The following SCMH1 variants were observed in gnomAD, a reference collection of about 807,000 sequenced individuals.
SCMH1 encodes the protein polycomb protein SCMH1.
Under a neutral mutation model 70.8 loss-of-function variants are expected in SCMH1, and 37 were observed. The observed-to-expected ratio is 0.52, with a 90% CI of 0.40 to 0.69. The LOEUF is 0.69. SCMH1 is among the 30% of genes least tolerant of loss of function. The pLI, the probability that SCMH1 is intolerant of heterozygous loss-of-function variation, is 0.00. For missense variants in SCMH1, 607 were observed against 827.3 expected (o/e 0.73, Z 3.27); for synonymous variants, 292 against 307.4 (o/e 0.95, Z 0.52).
Position 41,035,904 on chromosome 1 carries a change from A to G in SCMH1, c.1678+1458T>C, listed in dbSNP as rs184880410. Reference sequence around the variant, plus strand: ...AATTACCCACTAATGGTGGAATCCAATAGATGTTTCTCAGTCCCTTTTTTG... The same window carrying G: ...AATTACCCACTAATGGTGGAATCCAGTAGATGTTTCTCAGTCCCTTTTTTG... On this transcript the variant is annotated intron_variant, in intron 13 of 14. Transcript: ENST00000337495. Among the ~76,000 whole-genome samples the G allele has an allele frequency of 1.2e-3, 182 of 152,322 alleles. 1 individual carries two copies. The highest frequency in any genetic ancestry group is 0.011 in the Admixed American group (163 of 15,304).
exon 14 of SCMH1, chr1:41,028,713 G>A: frequency 6.2e-7 from 1 of 1,614,074 alleles, no homozygotes; most frequent in Non-Finnish European, 8.5e-7. Flanking sequence ...GGCTCTCCAG[G>A]TATCGGTCCG....
chr1:41,078,157 G>T (rs565817674), intron 8 of SCMH1, among the ~76,000 whole-genome samples: 40 of 151,962 alleles, frequency 2.6e-4, no homozygotes, highest in Non-Finnish European at 3.8e-4. Context: ...CAATAGAAAG[G>T]ATTAATAAAC....
chr1:41,124,132 T>C (rs1267082682), intron 6 of SCMH1, among the ~76,000 whole-genome samples: 1 of 152,216 alleles, frequency 6.6e-6, no homozygotes. Flanking sequence ...AACAATTATG[T>C]ACCCTTCAAC....
chr1:41,102,645 G>A (rs1258182454), intron 8 of SCMH1, among the ~76,000 whole-genome samples: 2 of 152,224 alleles, frequency 1.3e-5, no homozygotes, highest in Non-Finnish European at 2.9e-5. Flanking sequence ...AATCATGCAT[G>A]ATAGGACCAC....
At chr1:41,079,752 G>T (rs1360293437) in intron 8 of SCMH1, among the ~76,000 whole-genome samples, 1 of 152,074 alleles carries the variant, frequency 6.6e-6, no homozygotes, top group African/African-American at 2.4e-5. Flanking sequence ...TACTCAAGAG[G>T]ATCGCTTGAG....
intron 6 of SCMH1, among the ~76,000 whole-genome samples, chr1:41,118,878 G>C (rs1385056926): frequency 6.6e-6 from 1 of 152,172 alleles, no homozygotes; most frequent in Non-Finnish European, 1.5e-5. Flanking sequence ...CTGCACCCAA[G>C]CTGCAAAGCT....
intron 13 of SCMH1, 89 bp from the exon 14 acceptor site, chr1:41,034,137 TGA>T (rs1644948769): frequency 6.6e-7 from 1 of 1,520,276 alleles, no homozygotes; most frequent in African/African-American, 1.4e-5. Flanking sequence ...GTGAGATGAC[TGA>T]CTCAAGTCTC....
exon 13 of SCMH1, chr1:41,037,370 C>G: frequency 6.2e-7 from 1 of 1,613,944 alleles, no homozygotes; most frequent in Non-Finnish European, 8.5e-7. Context: ...ACCCCTGGAG[C>G]ATAGCCTGCG....
intron 6 of SCMH1, among the ~76,000 whole-genome samples, chr1:41,128,973 G>A (rs1673924959): frequency 6.6e-6 from 1 of 151,866 alleles, no homozygotes; most frequent in South Asian, 2.1e-4. Context: ...ATATTATCTT[G>A]TATGTTCTAC....
rs535064788 is a variant in SCMH1, at chr1:41,217,571, T to C, written c.-118+24488A>G. On this transcript the variant is annotated intron_variant, in intron 1 of 14. Transcript: ENST00000337495. Reference sequence around the variant, plus strand: ...AGCCAGGAATAGAGATACAGTTATGTAGCAAAGATATGTGGAGAACATTCT... The same window carrying C: ...AGCCAGGAATAGAGATACAGTTATGCAGCAAAGATATGTGGAGAACATTCT... 8.5e-5 allele frequency among the ~76,000 whole-genome samples: 13 copies of C among 152,328 alleles called. No individual in the cohort carries two copies. In the South Asian group the frequency reaches 2.7e-3, roughly 32 times the overall value.
At chr1:41,168,560 A>T (rs1402260394) in intron 2 of SCMH1, among the ~76,000 whole-genome samples, 1 of 149,876 alleles carries the variant, frequency 6.7e-6, no homozygotes, top group Non-Finnish European at 1.5e-5. Context: ...TTCAGTGAAC[A>T]TCTTTATAAC....
rs183611133 is a variant in SCMH1, at chr1:41,227,982, T to C, written c.-118+14077A>G. On this transcript the variant is annotated intron_variant, in intron 1 of 14. Coordinates refer to ENST00000337495, the Ensembl canonical transcript of SCMH1. Reference sequence around the variant, plus strand: ...GCCTGGTCGACAGTGCAAGACTCTGTCTCAAAAACAAAACAAAAACAAAAC... The same window carrying C: ...GCCTGGTCGACAGTGCAAGACTCTGCCTCAAAAACAAAACAAAAACAAAAC... Among the ~76,000 whole-genome samples, 653 of 152,148 alleles carry C rather than the reference T, an allele frequency of 4.3e-3. 3 individuals carry two copies. The highest frequency in any genetic ancestry group is 0.015 in the African/African-American group (606 of 41,500).
At chr1:41,224,729 A>G (rs1659933891) in intron 1 of SCMH1, among the ~76,000 whole-genome samples, 1 of 152,194 alleles carries the variant, frequency 6.6e-6, no homozygotes, top group African/African-American at 2.4e-5. Flanking sequence ...AGTAAATAGC[A>G]CAAGTTCTGT....
intron 3 of SCMH1, 58 bp from the exon 4 acceptor site, chr1:41,160,956 G>T: frequency 1.4e-6 from 2 of 1,477,256 alleles, no homozygotes; most frequent in South Asian, 1.2e-5. Context: ...CCAACATGAT[G>T]GAAGGTGAAA....
intron 5 of SCMH1, among the ~76,000 whole-genome samples, chr1:41,147,703 G>T (rs970656448): frequency 4.6e-5 from 7 of 151,698 alleles, no homozygotes; most frequent in African/African-American, 1.7e-4. Context: ...ATTGGTTTTT[G>T]CTTCATGTCA....
chr1:41,177,946 C>G (rs1160467108), intron 2 of SCMH1, among the ~76,000 whole-genome samples: 1 of 152,078 alleles, frequency 6.6e-6, no homozygotes, highest in Non-Finnish European at 1.5e-5. Context: ...TCAGATTCAC[C>G]AAAGTTGAAA....
intron 11 of SCMH1, among the ~76,000 whole-genome samples, chr1:41,047,837 A>G (rs1647045521): frequency 1.3e-5 from 2 of 152,206 alleles, no homozygotes; most frequent in Admixed American, 1.3e-4. Flanking sequence ...AGCTATGTAT[A>G]TTCTTTCTTT....
At chr1:41,133,619 C>T (rs996667310) in intron 6 of SCMH1, among the ~76,000 whole-genome samples, 1 of 152,002 alleles carries the variant, frequency 6.6e-6, no homozygotes, top group Non-Finnish European at 1.5e-5. Context: ...CCACTGATCC[C>T]ACAGAAATAC....
At chr1:41,180,423 T>C (rs1352017038) in intron 2 of SCMH1, among the ~76,000 whole-genome samples, 1 of 152,192 alleles carries the variant, frequency 6.6e-6, no homozygotes, top group Non-Finnish European at 1.5e-5. Context: ...GGAAGTCAAA[T>C]TGTCCCTGTT....
Sources: allele counts gnomAD v4.1 joint callset (sites outside exome capture counted in the v4.1 genomes callset), GRCh38; gene constraint gnomAD v4.1.1; transcripts MANE v1.5; gene names NCBI Gene and HGNC (gene_info 2026-07-23, HGNC 2026-07-21).